Variants in TSPAN18 observed in about 807,000 individuals in gnomAD.
TSPAN18 encodes tetraspanin 18.
A neutral mutation model predicts 27.3 loss-of-function variants in TSPAN18; 14 were observed. That is an observed-to-expected ratio of 0.51 (90% confidence interval 0.34 to 0.80). The LOEUF (loss-of-function observed/expected upper bound fraction) is 0.80, where lower values mean the gene tolerates loss of function less well. Ranked by LOEUF, TSPAN18 falls within the 30% of genes least tolerant of loss-of-function variation. The pLI is 0.01. For synonymous variants in TSPAN18, 143 were observed against 136.5 expected, an observed-to-expected ratio of 1.05 and a Z score of -0.33; for missense variants, 268 against 323.9, an observed-to-expected ratio of 0.83 and a Z score of 1.32.
intron 2 of TSPAN18, among the ~76,000 whole-genome samples, chr11:44,858,608 C>G (rs909910199): frequency 6.6e-6 from 1 of 152,188 alleles, no homozygotes; most frequent in Non-Finnish European, 1.5e-5. Context: ...AGACTCCCCC[C>G]TCCATGGATC....
At chr11:44,914,505 A>G (rs972432497) in intron 5 of TSPAN18, among the ~76,000 whole-genome samples, 1 of 152,076 alleles carries the variant, frequency 6.6e-6, no homozygotes, top group African/African-American at 2.4e-5. Flanking sequence ...ATGCCTAAGC[A>G]CTCTATAAAT....
chr11:44,920,069 G>A, intron 8 of TSPAN18, 70 bp downstream of exon 8: 1 of 1,463,344 alleles, frequency 6.8e-7, no homozygotes, highest in Non-Finnish European at 9.3e-7. Flanking sequence ...TGGGTGGGAG[G>A]CGCTATCACC....
chr11:44,892,381 C>A (rs897121181), intron 3 of TSPAN18, among the ~76,000 whole-genome samples: 9 of 152,224 alleles, frequency 5.9e-5, no homozygotes, highest in Non-Finnish European at 1.2e-4. Flanking sequence ...GCTTCAACTA[C>A]ACTTGGCTGT....
At chr11:44,856,570 C>CCTAT (rs1857744613) in intron 2 of TSPAN18, among the ~76,000 whole-genome samples, 2 of 152,174 alleles carry the variant, frequency 1.3e-5, no homozygotes, top group African/African-American at 2.4e-5. Context: ...ACTACAGAGC[C>CCTAT]ATAGGCATCG....
chr11:44,738,024 G>A (rs1203272679), intron 1 of TSPAN18, among the ~76,000 whole-genome samples: 2 of 152,014 alleles, frequency 1.3e-5, no homozygotes, highest in Non-Finnish European at 2.9e-5. Flanking sequence ...TGACTTCTCT[G>A]TGTAATTTTT....
chr11:44,807,775 G>T (rs1051061305), intron 2 of TSPAN18, among the ~76,000 whole-genome samples: 2 of 152,132 alleles, frequency 1.3e-5, no homozygotes, highest in African/African-American at 4.8e-5. Context: ...AATGCCTTTG[G>T]ACATCAGTTT....
At position 44,926,757 on chromosome 11, in the gene TSPAN18, G is replaced by A. The variant is rs936337338; in HGVS notation, c.699G>A (p.Glu233=). The A allele has an allele frequency of 1.2e-6, 2 of 1,614,026 alleles. No homozygotes were observed. Among genetic ancestry groups the A allele is most frequent in the African/African-American group, 1.3e-5 (1 of 74,938 alleles). The change falls in exon 9 of 10, where the codon GAG becomes GAA. Residue 233 remains glutamate (E), a splice_region_variant and synonymous_variant. Transcript: ENST00000520358. ...TTGCCATCGGGGTACTGGCCATCGAGGTAAGTAAAGGCCCCCACTTCTGCC... is the reference window on the plus strand; with the variant it reads ...TTGCCATCGGGGTACTGGCCATCGAAGTAAGTAAAGGCCCCCACTTCTGCC... ...GALAIGVLAI[E]LFAMIFAMCL...
chr11:44,749,229 G>A (rs1342503526), intron 1 of TSPAN18, among the ~76,000 whole-genome samples: 5 of 152,246 alleles, frequency 3.3e-5, no homozygotes, highest in East Asian at 3.8e-4. Context: ...AGCCTTGAGC[G>A]AGTCTCTTAT....
chr11:44,896,480 G>A (rs1215418681), intron 3 of TSPAN18, among the ~76,000 whole-genome samples: 2 of 152,078 alleles, frequency 1.3e-5, no homozygotes, highest in Non-Finnish European at 2.9e-5. Context: ...CCAAGTGCAC[G>A]GAGTACCTGA....
At chr11:44,916,939 G>A (rs1859932457) in intron 5 of TSPAN18, among the ~76,000 whole-genome samples, 1 of 152,238 alleles carries the variant, frequency 6.6e-6, no homozygotes, top group Non-Finnish European at 1.5e-5. Context: ...AGTTTCTTCT[G>A]CTGACAGCTC....
At chr11:44,910,039 A>G in intron 5 of TSPAN18, 140 bp downstream of exon 5, 1 of 1,043,176 alleles carries the variant, frequency 9.6e-7, no homozygotes, top group Non-Finnish European at 1.3e-6. Context: ...AGAAGGGATC[A>G]TGGAGATGAG....
chr11:44,783,435 G>T (rs1362624611), intron 2 of TSPAN18, among the ~76,000 whole-genome samples: 2 of 150,042 alleles, frequency 1.3e-5, no homozygotes, highest in Non-Finnish European at 3.0e-5. Context: ...GTCTCGCTCT[G>T]TCGCCCAGGC....
chr11:44,860,849 G>A (rs973483347), intron 3 of TSPAN18, among the ~76,000 whole-genome samples: 1 of 152,234 alleles, frequency 6.6e-6, no homozygotes, highest in Non-Finnish European at 1.5e-5. Context: ...AAGGTTGGCT[G>A]CAGTGGGTGG....
At chr11:44,857,848 C>G (rs1170323050) in intron 2 of TSPAN18, among the ~76,000 whole-genome samples, 1 of 152,156 alleles carries the variant, frequency 6.6e-6, no homozygotes, top group Non-Finnish European at 1.5e-5. Context: ...ATCCCTCCCC[C>G]CGATACACAC....
intron 2 of TSPAN18, among the ~76,000 whole-genome samples, chr11:44,786,938 G>A (rs554491968): frequency 3.0e-4 from 46 of 152,196 alleles, no homozygotes; most frequent in Non-Finnish European, 1.5e-4. Context: ...GGCCTGTCCA[G>A]TTAGCATTTT....
chr11:44,738,886 C>T (rs1335391681), intron 1 of TSPAN18, among the ~76,000 whole-genome samples: 1 of 152,200 alleles, frequency 6.6e-6, no homozygotes, highest in Non-Finnish European at 1.5e-5. Flanking sequence ...GGTTAAGTTA[C>T]TTGCCCAAGG....
chr11:44,882,349 C>T (rs1858511029), intron 3 of TSPAN18, among the ~76,000 whole-genome samples: 1 of 152,124 alleles, frequency 6.6e-6, no homozygotes. Flanking sequence ...GAGGCCCCTG[C>T]TCCCAGCGGG....
chr11:44,842,326 G>A (rs919366434), intron 2 of TSPAN18, among the ~76,000 whole-genome samples: 2 of 152,222 alleles, frequency 1.3e-5, no homozygotes, highest in African/African-American at 2.4e-5. Flanking sequence ...TAAGCCACAC[G>A]CTCACTGTAG....
intron 1 of TSPAN18, among the ~76,000 whole-genome samples, chr11:44,729,099 C>T (rs755490774): frequency 8.5e-5 from 13 of 152,132 alleles, no homozygotes; most frequent in Admixed American, 5.9e-4. Context: ...TTGTTGGATG[C>T]TACTGAAATG....
Sources: allele counts gnomAD v4.1 joint callset (sites outside exome capture counted in the v4.1 genomes callset), GRCh38; gene constraint gnomAD v4.1.1; transcripts MANE v1.5; gene names NCBI Gene and HGNC (gene_info 2026-07-23, HGNC 2026-07-21).